Variants in AFF3 observed in about 807,000 individuals in gnomAD.
The protein encoded by AFF3 is ALF transcription elongation factor 3.
In AFF3, 32 loss-of-function variants were observed where a neutral mutation model predicts 129.7. The observed-to-expected ratio is 0.25, with a 90% CI of 0.19 to 0.33. The LOEUF (loss-of-function observed/expected upper bound fraction) is 0.33, where lower values mean the gene tolerates loss of function less well. Ranked by LOEUF, AFF3 falls within the 10% of genes least tolerant of loss-of-function variation. The probability of loss-of-function intolerance (pLI) is 1.00; values close to 1 mark genes in which losing one functional copy is unlikely to be tolerated. For missense variants in AFF3, 1,373 were observed against 1,592.0 expected (o/e 0.86, Z 2.34); for synonymous variants, 644 against 635.4 (o/e 1.01, Z -0.20).
At chr2:99,923,001 C>T (rs113989003) in intron 7 of AFF3, among the ~76,000 whole-genome samples, 185 of 152,186 alleles carry the variant, frequency 1.2e-3, no homozygotes, top group African/African-American at 4.0e-3. Context: ...GTGCAGCACC[C>T]GGAGTAGCAA....
chr2:100,078,689 T>C (rs1239034189), intron 4 of AFF3, among the ~76,000 whole-genome samples: 1 of 152,164 alleles, frequency 6.6e-6, no homozygotes, highest in Non-Finnish European at 1.5e-5. Context: ...AGGAATTATA[T>C]AGCCGTCCCT....
At position 99,672,140 on chromosome 2, in the gene AFF3, A is replaced by T. The variant is rs188307885; in HGVS notation, c.1143+398T>A. On this transcript the variant is annotated intron_variant, in intron 12 of 24. Coordinates refer to ENST00000672756, the MANE Select transcript of AFF3 (RefSeq NM_001386135.1). ...TGCCTGTTGCATGCTGATGAGGTTA[A>T]GGTCATATGTTTGATCTCCAGAAGG... 4.1e-3 allele frequency among the ~76,000 whole-genome samples: 592 copies of T among 145,196 alleles called. 7 individuals carry two copies. Among genetic ancestry groups the T allele is most frequent in the African/African-American group, 0.014 (569 of 40,256 alleles).
At chr2:99,577,297 G>A (rs1292959917) in intron 18 of AFF3, among the ~76,000 whole-genome samples, 1 of 152,148 alleles carries the variant, frequency 6.6e-6, no homozygotes, top group Non-Finnish European at 1.5e-5. Context: ...TGGAGGAGCG[G>A]GGCGGACGAT....
intron 4 of AFF3, among the ~76,000 whole-genome samples, chr2:100,058,451 C>G (rs1388435938): frequency 6.6e-6 from 1 of 152,008 alleles, no homozygotes; most frequent in Non-Finnish European, 1.5e-5. Context: ...AATATATAAA[C>G]ATTGTTGGTT....
chr2:100,069,550 C>G (rs544820014), intron 4 of AFF3, among the ~76,000 whole-genome samples: 2 of 152,068 alleles, frequency 1.3e-5, no homozygotes, highest in Non-Finnish European at 2.9e-5. Flanking sequence ...ACATTTTCTG[C>G]AATATATGAT....
At chr2:99,839,952 A>T (rs1455842377) in intron 7 of AFF3, among the ~76,000 whole-genome samples, 2 of 152,128 alleles carry the variant, frequency 1.3e-5, no homozygotes, top group African/African-American at 4.8e-5. Context: ...TGTTTACTGA[A>T]CATTTGTTTA....
chr2:99,550,147 A>C lies in AFF3; in HGVS notation c.*1327T>G, dbSNP rs935575733. ...ACAAAAGAAAAAACATCAGACAAAA[A>C]CTGTAAACAAGATGTCAAAGAAACT... On this transcript the variant is annotated 3_prime_UTR_variant, in exon 25 of 25. Transcript: ENST00000672756. 4 of 228,828 alleles carry C rather than the reference A, an allele frequency of 1.7e-5. No homozygotes were observed. In the Admixed American group the frequency reaches 2.3e-4, roughly 13 times the overall value. The allele number at this position is 228,828 out of a possible 1,614,324, so 14.2% of individuals were successfully genotyped here.
intron 7 of AFF3, among the ~76,000 whole-genome samples, chr2:99,958,774 G>A (rs1398456522): frequency 4.6e-5 from 7 of 152,014 alleles, no homozygotes; most frequent in Non-Finnish European, 1.0e-4. Context: ...GAAACAGATA[G>A]GATTTTGGGA....
chr2:99,547,082 A>C lies in AFF3; in HGVS notation c.*4392T>G, dbSNP rs981248068. ...GAAAAATGTCAGACTTCATACTGATAATCTGTGGGAGCTACATTTAAGCCA... is the reference window on the plus strand; with the variant it reads ...GAAAAATGTCAGACTTCATACTGATCATCTGTGGGAGCTACATTTAAGCCA... On this transcript the variant is annotated 3_prime_UTR_variant, in exon 25 of 25. Transcript: ENST00000672756. 4.5e-6 allele frequency: 1 copy of C among 220,058 alleles called. No individual in the cohort carries two copies. 13.6% of individuals were successfully genotyped at this position (220,058 alleles called of 1,614,324 possible).
chr2:99,876,584 T>C (rs898039542), intron 7 of AFF3, among the ~76,000 whole-genome samples: 3 of 152,094 alleles, frequency 2.0e-5, no homozygotes, highest in Non-Finnish European at 4.4e-5. Flanking sequence ...ACTCTTTACA[T>C]AGAACCCAGA....
Position 99,601,536 on chromosome 2 carries a change from A to AGCTGCTGCTGCC in AFF3, c.1258_1269dup (p.Gly420_Ser423dup), listed in dbSNP as rs753136785. 5.0e-6 allele frequency: 8 copies of AGCTGCTGCTGCC among 1,603,398 alleles called. No individual in the cohort carries two copies. Among genetic ancestry groups the AGCTGCTGCTGCC allele is most frequent in the African/African-American group, 2.7e-5 (2 of 74,818 alleles). ...GAGCTGCTCTCTGAGTCGCTGGAGG[A>AGCTGCTGCTGCC]GCTGCTGCTGCCGCTGCTGCTGCTG... On this transcript the variant is annotated inframe_insertion, in exon 14 of 25. Transcript: ENST00000672756.
At chr2:99,993,176 T>C (rs751115762) in intron 7 of AFF3, among the ~76,000 whole-genome samples, 8 of 152,236 alleles carry the variant, frequency 5.3e-5, no homozygotes, top group African/African-American at 9.6e-5. Flanking sequence ...TTGTCTTGTA[T>C]TTAAGCCACT....
intron 13 of AFF3, among the ~76,000 whole-genome samples, chr2:99,618,224 C>A (rs891433050): frequency 1.2e-5 from 1 of 80,078 alleles, no homozygotes; most frequent in Admixed American, 1.5e-4. Context: ...TCATAACATT[C>A]TTTTTTTTTT....
intron 4 of AFF3, among the ~76,000 whole-genome samples, chr2:100,094,547 G>T (rs1352299903): frequency 6.6e-6 from 1 of 151,942 alleles, no homozygotes; most frequent in African/African-American, 2.4e-5. Flanking sequence ...TCTCTTGCTC[G>T]CCATCCACTC....
At chr2:100,123,715 T>C (rs1316270176) in intron 2 of AFF3, among the ~76,000 whole-genome samples, 4 of 152,068 alleles carry the variant, frequency 2.6e-5, no homozygotes, top group Non-Finnish European at 5.9e-5. Flanking sequence ...CTAGCAGACA[T>C]GCCCCACCCC....
At chr2:99,834,113 A>T (rs1280001723) in intron 8 of AFF3, among the ~76,000 whole-genome samples, 5 of 152,178 alleles carry the variant, frequency 3.3e-5, no homozygotes, top group African/African-American at 7.2e-5. Flanking sequence ...CCGAATCATA[A>T]ACAGGTAGAA....
chr2:99,837,520 C>T lies in AFF3; in HGVS notation c.878G>A (p.Ser293Asn), dbSNP rs1688975165. Residue 293 changes from serine (S) to asparagine (N), a missense_variant, in exon 8 of 25, where the codon AGT becomes AAT. Ser to Asn is a conservative substitution (Grantham distance 46, BLOSUM62 1). Around this residue, in one of 9 missense-constraint regions of AFF3, gnomAD observed 413 missense variants for 424.4 expected, o/e 0.97. Transcript: ENST00000672756. ...KFSIPKQGEE[S>N]RSGETNSCVE... ...ACAGCTGTTGGTTTCTCCAGATCTA[C>T]TCTCCTGAAAGCAAAGAAAAAAAAA... The T allele has an allele frequency of 1.2e-6, 2 of 1,613,450 alleles. No homozygotes were observed. Among genetic ancestry groups the T allele is most frequent in the African/African-American group, 2.7e-5 (2 of 74,902 alleles).
At chr2:100,069,621 T>C (rs2105291683) in intron 4 of AFF3, among the ~76,000 whole-genome samples, 1 of 152,314 alleles carries the variant, frequency 6.6e-6, no homozygotes, top group Non-Finnish European at 1.5e-5. Context: ...AGAGTTAATG[T>C]TTAGCCATCT....
intron 7 of AFF3, among the ~76,000 whole-genome samples, chr2:99,971,106 C>G (rs369851656): frequency 6.6e-6 from 1 of 152,314 alleles, no homozygotes; most frequent in African/African-American, 2.4e-5. Context: ...TATTAAGCCA[C>G]AAGATCTAAA....
Sources: gnomAD v4.1 joint callset for allele counts (sites outside exome capture counted in the v4.1 genomes callset) on GRCh38, gnomAD v4.1.1 for gene constraint, gnomAD v4.1.1 regional missense constraint, MANE v1.5 for transcripts, NCBI Gene and HGNC (gene_info 2026-07-23, HGNC 2026-07-21) for gene names.